LIMK1: variants seen among roughly 807,000 people sequenced by gnomAD.
The protein encoded by LIMK1 is LIM domain kinase 1.
A neutral mutation model predicts 77.6 loss-of-function variants in LIMK1; 21 were observed. The ratio of observed to expected loss-of-function variants is 0.27; its 90% confidence interval spans 0.19 to 0.39. The LOEUF is 0.39. Among genes scored for constraint, LIMK1 ranks in the 10% least tolerant of loss-of-function variants. LIMK1 has a pLI of 1.00. For synonymous variants in LIMK1, 358 were observed against 370.0 expected (o/e 0.97, Z 0.37); for missense variants, 696 against 901.6 (o/e 0.77, Z 2.92).
intron 2 of LIMK1, among the ~76,000 whole-genome samples, chr7:74,090,242 G>A (rs542259241): frequency 3.9e-5 from 6 of 152,270 alleles, no homozygotes; most frequent in African/African-American, 1.2e-4. Flanking sequence ...GGGCCTGTTG[G>A]TGGGCGCCTG....
intron 5 of LIMK1, among the ~76,000 whole-genome samples, chr7:74,104,834 C>T (rs1238446805): frequency 6.6e-6 from 1 of 152,156 alleles, no homozygotes; most frequent in Non-Finnish European, 1.5e-5. Context: ...TTGGCCTCCT[C>T]TTGCAGGGCG....
chr7:74,100,954 G>T (rs925495148), intron 5 of LIMK1, among the ~76,000 whole-genome samples: 1 of 147,514 alleles, frequency 6.8e-6, no homozygotes, highest in Admixed American at 6.8e-5. Flanking sequence ...AGGCAGGATG[G>T]TCTCGATCTC....
At chr7:74,114,377 T>A (rs905430782) in intron 12 of LIMK1, among the ~76,000 whole-genome samples, 1 of 151,246 alleles carries the variant, frequency 6.6e-6, no homozygotes, top group Non-Finnish European at 1.5e-5. Context: ...AATAAAAAAA[T>A]TTGTCTCTAC....
intron 5 of LIMK1, 77 bp from the exon 6 acceptor site, chr7:74,105,797 TG>T: frequency 1.0e-6 from 1 of 953,468 alleles, no homozygotes; most frequent in Non-Finnish European, 1.7e-6. Flanking sequence ...ACCCTGGATC[TG>T]GTGCCCTTCG....
intron 2 of LIMK1, among the ~76,000 whole-genome samples, chr7:74,091,341 T>A (rs1799231139): frequency 1.3e-5 from 2 of 152,012 alleles, no homozygotes; most frequent in Non-Finnish European, 1.5e-5. Context: ...CTAGGCAACA[T>A]AGTGAGACTC....
At position 74,120,984 on chromosome 7, in the gene LIMK1, C is replaced by G. The variant is rs1799924517; in HGVS notation, c.1716C>G (p.Pro572=). Residue 572 remains proline (P), a synonymous_variant, in exon 15 of 16, where the codon CCC becomes CCG. Coordinates refer to ENST00000336180, the MANE Select transcript of LIMK1 (RefSeq NM_002314.4). ...GAGGATTCCTGGACCGCTACTGCCC[C>G]CCAAACTGCCCCCCGAGCTTCTTCC... ...NVRGFLDRYC[P]PNCPPSFFPI... 6.2e-7 allele frequency: 1 copy of G among 1,611,806 alleles called. No homozygotes were observed. The highest frequency in any genetic ancestry group is 1.3e-5 in the African/African-American group (1 of 74,788).
intron 1 of LIMK1, 25 bp downstream of exon 1, chr7:74,084,070 C>T (rs1554693730): frequency 1.4e-6 from 2 of 1,412,580 alleles, no homozygotes; most frequent in East Asian, 2.9e-5. Context: ...GGGTGTGGGG[C>T]GAGGGCCTGG....
chr7:74,120,636 G>A lies in LIMK1; in HGVS notation c.1621G>A (p.Glu541Lys), dbSNP rs1799914178. The A allele has an allele frequency of 2.5e-6, 4 of 1,614,204 alleles. No individual in the cohort carries two copies. The highest frequency in any genetic ancestry group is 1.7e-6 in the Non-Finnish European group (2 of 1,180,026). Residue 541 changes from glutamate (E) to lysine (K), a missense_variant and splice_region_variant, in exon 14 of 16, where the codon GAG becomes AAG. This residue lies in a region of LIMK1 where 438 missense variants were observed against 602.3 expected (regional missense o/e 0.73). Transcript: ENST00000336180. ...DVFSFGIVLC[E>K]IIGRVNADPD... is the part of the protein sequence containing the mutation. ...GTTCTCCTTTGGGATCGTCCTGTGC[G>A]AGGTAGGTCCAGGGTTGGGTAGCAG...
chr7:74,092,248 G>T (rs1443088477), intron 2 of LIMK1, among the ~76,000 whole-genome samples: 4 of 152,172 alleles, frequency 2.6e-5, no homozygotes, highest in Non-Finnish European at 5.9e-5. Context: ...TTACAGGCAT[G>T]AGCCACTGCG....
chr7:74,115,029 G>C (rs548218080), intron 12 of LIMK1, among the ~76,000 whole-genome samples: 1 of 152,082 alleles, frequency 6.6e-6, no homozygotes, highest in East Asian at 1.9e-4. Context: ...TTGAAGACCA[G>C]TCTGGGCAAC....
intron 2 of LIMK1, among the ~76,000 whole-genome samples, chr7:74,095,597 G>A (rs1262286147): frequency 1.3e-5 from 2 of 152,022 alleles, no homozygotes; most frequent in Non-Finnish European, 2.9e-5. Flanking sequence ...TAAGAGATGG[G>A]GTCTTACTGT....
Position 74,096,668 on chromosome 7 carries a change from G to A in LIMK1, c.199G>A (p.Asp67Asn), listed in dbSNP as rs782189161. The change falls in exon 3 of 16, where the codon GAT becomes AAT. Residue 67 changes from aspartate (D) to asparagine (N), a missense_variant. This residue lies in a region of LIMK1 where 252 missense variants were observed against 279.4 expected (regional missense o/e 0.90). Coordinates refer to ENST00000336180, the MANE Select transcript of LIMK1 (RefSeq NM_002314.4). ...CCTGTCGCACCAGTACTATGAGAAG[G>A]ATGGGCAGCTCTTCTGCAAGAAGGA... ...ASLSHQYYEK[D>N]GQLFCKKDYW... 4 of 1,614,110 alleles carry A rather than the reference G, an allele frequency of 2.5e-6. No homozygotes were observed. In the Admixed American group the frequency reaches 6.7e-5, roughly 27 times the overall value.
At chr7:74,095,205 C>T (rs933589659) in intron 2 of LIMK1, among the ~76,000 whole-genome samples, 8 of 152,164 alleles carry the variant, frequency 5.3e-5, no homozygotes, top group African/African-American at 1.7e-4. Context: ...TCCTACCTGC[C>T]TCTCTCCTAG....
intron 10 of LIMK1, 127 bp downstream of exon 10, chr7:74,109,163 T>C (rs1428570853): frequency 5.4e-6 from 4 of 746,256 alleles, no homozygotes; most frequent in African/African-American, 3.5e-5. Context: ...CTCTGAACCC[T>C]GATTCCTAAT....
rs188383159 is a variant in LIMK1, at chr7:74,120,065, G to A, written c.1568-518G>A. ...GTTTTGCATTCCTGGGCTTGTGGCC[G>A]CATCACTCCAGTCTCCACCCCTGTC... On this transcript the variant is annotated intron_variant, in intron 13 of 15. Transcript: ENST00000336180. 6.4e-4 allele frequency among the ~76,000 whole-genome samples: 98 copies of A among 152,056 alleles called. No homozygotes were observed. The East Asian group carries it at 0.013, about 20-fold the overall frequency.
chr7:74,113,402 G>T (rs1799742535), intron 12 of LIMK1, among the ~76,000 whole-genome samples: 1 of 152,130 alleles, frequency 6.6e-6, no homozygotes, highest in South Asian at 2.1e-4. Flanking sequence ...GAAGTGGGTG[G>T]ATCACTTGAA....
chr7:74,084,056 C>A lies in LIMK1; in HGVS notation c.55+11C>A. 6.8e-7 allele frequency: 1 copy of A among 1,474,510 alleles called. No homozygotes were observed. Among genetic ancestry groups the A allele is most frequent in the Non-Finnish European group, 9.1e-7 (1 of 1,101,814 alleles). The allele number at this position is 1,474,510 out of a possible 1,614,324, so 91.3% of individuals were successfully genotyped here. A position where few individuals can be genotyped will look rare whatever the true frequency, so the allele number is the denominator to read the frequency against. On this transcript the variant is annotated intron_variant, in intron 1 of 15. Transcript: ENST00000336180. ...GTATGGGAGAGGAAGGTGCGCGGGC[C>A]GCGGGGTGTGGGGCGAGGGCCTGGA...
At position 74,084,064 on chromosome 7, in the gene LIMK1, G is replaced by T. The variant is rs199759296; in HGVS notation, c.55+19G>T. On this transcript the variant is annotated intron_variant, in intron 1 of 15. Transcript: ENST00000336180. ...GAGGAAGGTGCGCGGGCCGCGGGGT[G>T]TGGGGCGAGGGCCTGGAGGGGGTGC... is the stretch of plus-strand genomic sequence containing the variant. 4.8e-5 allele frequency: 69 copies of T among 1,444,998 alleles called. 1 individual carries two copies. The highest frequency in any genetic ancestry group is 5.8e-5 in the Non-Finnish European group (63 of 1,077,112). 89.5% of individuals were successfully genotyped at this position (1,444,998 alleles called of 1,614,324 possible).
rs1383315086 is a variant in LIMK1, at chr7:74,121,511, A to G, written c.*210A>G. 2.0e-5 allele frequency: 11 copies of G among 553,338 alleles called. No homozygotes were observed. Among genetic ancestry groups the G allele is most frequent in the Non-Finnish European group, 2.9e-5 (9 of 314,214 alleles). 34.3% of individuals were successfully genotyped at this position (553,338 alleles called of 1,614,324 possible). ...GCCGGCCCAGCTGCACACACACACC[A>G]TGCTCTCGCCCTGCTGTAACCTCTG... On this transcript the variant is annotated 3_prime_UTR_variant, in exon 16 of 16. Coordinates refer to ENST00000336180, the MANE Select transcript of LIMK1 (RefSeq NM_002314.4).
Sources: gnomAD v4.1 joint callset for allele counts (sites outside exome capture counted in the v4.1 genomes callset) on GRCh38, gnomAD v4.1.1 for gene constraint, gnomAD v4.1.1 regional missense constraint, MANE v1.5 for transcripts, NCBI Gene and HGNC (gene_info 2026-07-23, HGNC 2026-07-21) for gene names.